DNAH11: variants seen among roughly 807,000 people sequenced by gnomAD.
DNAH11 encodes the protein axonemal beta dynein heavy chain 11.
Under a neutral mutation model 526.0 loss-of-function variants are expected in DNAH11, and 442 were observed. That is an observed-to-expected ratio of 0.84 (90% CI 0.78 to 0.91). DNAH11 has a LOEUF of 0.91. Ranked by LOEUF, DNAH11 falls within the 40% of genes least tolerant of loss-of-function variation. DNAH11 has a pLI of 0.00. For synonymous variants in DNAH11, 2,461 were observed against 1,935.9 expected (o/e 1.27, Z -7.12); for missense variants, 6,989 against 5,448.7 (o/e 1.28, Z -8.90).
rs2128424849 is a variant in DNAH11 at position 21,543,472 on chromosome 7, A to G, written c.227A>G (p.Lys76Arg). Residue 76 changes from lysine (K) to arginine (R), a missense_variant, in exon 1 of 82, where the codon AAA becomes AGA. Lys to Arg is a conservative substitution (Grantham distance 26). Coordinates refer to ENST00000409508, the MANE Select transcript of DNAH11 (RefSeq NM_001277115.2). The stretch of plus-strand genomic sequence containing the variant: ...ATGATGCTGGGGTTCACGGAGGAGA[A>G]ATGGAGCCAGTATTTGGAAAGCGAG... Reference protein sequence around the residue: ...LAMMLGFTEEKWSQYLESEDN... With the variant: ...LAMMLGFTEERWSQYLESEDN... The G allele has an allele frequency of 6.3e-7, 1 of 1,591,616 alleles. No individual in the cohort carries two copies. Among genetic ancestry groups the G allele is most frequent in the East Asian group, 2.3e-5 (1 of 44,022 alleles).
intron 65 of DNAH11, among the ~76,000 whole-genome samples, chr7:21,826,339 G>T (rs1790298625): frequency 6.6e-6 from 1 of 152,126 alleles, no homozygotes; most frequent in Admixed American, 6.6e-5. Context: ...CAAAGTAGGA[G>T]ATATGGTAAA....
At chr7:21,705,101 C>G (rs1047956512) in intron 38 of DNAH11, among the ~76,000 whole-genome samples, 9 of 152,150 alleles carry the variant, frequency 5.9e-5, no homozygotes, top group African/African-American at 2.2e-4. Context: ...ACACTATATA[C>G]ATTATCCATT....
chr7:21,698,106 C>T lies in DNAH11; in HGVS notation c.6073C>T (p.Leu2025=), dbSNP rs368561050. 2 of 1,613,276 alleles carry T rather than the reference C, an allele frequency of 1.2e-6. No homozygotes were observed. The highest frequency in any genetic ancestry group is 1.7e-5 in the Admixed American group (1 of 59,872). The change falls in exon 36 of 82, where the codon CTA becomes TTA. Residue 2025 remains leucine (L), a synonymous_variant. Coordinates refer to ENST00000409508, the MANE Select transcript of DNAH11 (RefSeq NM_001277115.2). Reference sequence around the variant, plus strand: ...TGCCATGGTGGCCCCTGACATTGAGCTAATCTGTGAAATCTTGTTAGTTGC... The same window carrying T: ...TGCCATGGTGGCCCCTGACATTGAGTTAATCTGTGAAATCTTGTTAGTTGC... ...PCAMVAPDIE[L]ICEILLVAEG...
chr7:21,869,040 G>A (rs745662497), intron 73 of DNAH11, 49 bp downstream of exon 73: 3 of 1,610,770 alleles, frequency 1.9e-6, no homozygotes, highest in Non-Finnish European at 2.5e-6. Context: ...ACAGAGGAGG[G>A]CCAGGGCAGA....
intron 59 of DNAH11, among the ~76,000 whole-genome samples, 183 bp downstream of exon 59, chr7:21,786,950 T>C (rs1394324301): frequency 1.3e-5 from 2 of 152,216 alleles, no homozygotes; most frequent in Non-Finnish European, 2.9e-5. Context: ...GGAAGTTAGC[T>C]TGGGGTTATG....
intron 45 of DNAH11, among the ~76,000 whole-genome samples, chr7:21,729,415 A>G (rs2965373): frequency 0.65 from 98,755 of 152,052 alleles, 32,529 homozygotes; most frequent in South Asian, 0.73. Flanking sequence ...TCCAGAATAC[A>G]CTTTCTCATG....
intron 27 of DNAH11, among the ~76,000 whole-genome samples, chr7:21,637,980 G>A (rs1413742540): frequency 6.6e-6 from 1 of 151,886 alleles, no homozygotes; most frequent in Non-Finnish European, 1.5e-5. Context: ...ATGATTGATT[G>A]ATCAATTATT....
chr7:21,568,147 A>G (rs565162174), intron 6 of DNAH11, among the ~76,000 whole-genome samples: 1 of 152,328 alleles, frequency 6.6e-6, no homozygotes, highest in South Asian at 2.1e-4. Context: ...TAACAATATC[A>G]TTGGTAAATT....
chr7:21,638,107 G>A (rs1786954871), intron 27 of DNAH11, among the ~76,000 whole-genome samples: 1 of 152,088 alleles, frequency 6.6e-6, no homozygotes, highest in Admixed American at 6.6e-5. Context: ...GAGCACAGCA[G>A]CATTTTTAAA....
At chr7:21,833,539 A>T (rs1781871886) in intron 65 of DNAH11, among the ~76,000 whole-genome samples, 1 of 152,098 alleles carries the variant, frequency 6.6e-6, no homozygotes, top group East Asian at 1.9e-4. Context: ...CTAAAAATAG[A>T]TAAAAATTAG....
chr7:21,615,685 A>G (rs1785741113), intron 21 of DNAH11, among the ~76,000 whole-genome samples: 1 of 152,136 alleles, frequency 6.6e-6, no homozygotes, highest in African/African-American at 2.4e-5. Flanking sequence ...TATGTGGTTA[A>G]TTAAGTTAAA....
intron 56 of DNAH11, among the ~76,000 whole-genome samples, chr7:21,776,183 C>T (rs1787665384): frequency 6.6e-6 from 1 of 152,184 alleles, no homozygotes; most frequent in South Asian, 2.1e-4. Context: ...CTCTTTACTT[C>T]CCCTTAGCTA....
rs1246866934 is a variant in DNAH11 at position 21,681,606 on chromosome 7, C to T, written c.5389C>T (p.Gln1797Ter). ...LLGELPPGDR[Q>*]KIMTICTIDV... ...GGGAGAACTTCCACCTGGAGACAGA[C>T]AGAAGATCATGACAATTTGTACCAT... Residue 1797 changes from glutamine (Q) to a stop codon, truncating the protein, a stop_gained, in exon 31 of 82, where the codon CAG becomes TAG. Transcript: ENST00000409508. LOFTEE classifies it high-confidence loss of function. The T allele has an allele frequency of 1.2e-6, 2 of 1,613,750 alleles. No individual in the cohort carries two copies. Among genetic ancestry groups the T allele is most frequent in the South Asian group, 1.1e-5 (1 of 91,080 alleles).
At chr7:21,694,805 C>T (rs977686567) in intron 35 of DNAH11, among the ~76,000 whole-genome samples, 1 of 152,170 alleles carries the variant, frequency 6.6e-6, no homozygotes, top group Non-Finnish European at 1.5e-5. Context: ...AACCACTTTA[C>T]ACTCCCACCA....
In DNAH11 at chr7:21,659,028, A is replaced by G. The variant is rs761805119; in HGVS notation, c.5325A>G (p.Lys1775=). Residue 1775 remains lysine, a synonymous_variant, in exon 30 of 82, where the codon AAA becomes AAG. Transcript: ENST00000409508. The part of the protein sequence containing the change: ...YETALKDFHK[K]QISQLNTLIT... ...CAGCCCTGAAGGATTTCCATAAAAA[A>G]CAGGTATTACATAGATTTGTGATTT... 1.1e-5 allele frequency: 18 copies of G among 1,583,524 alleles called. No homozygotes were observed. The highest frequency in any genetic ancestry group is 1.5e-5 in the Non-Finnish European group (18 of 1,165,128).
intron 73 of DNAH11, among the ~76,000 whole-genome samples, chr7:21,871,515 G>C (rs1226571138): frequency 6.6e-6 from 1 of 152,152 alleles, no homozygotes; most frequent in East Asian, 1.9e-4. Context: ...TTTTACATTT[G>C]ATTCAAGTAA....
In DNAH11 at chr7:21,807,997, A is replaced by C. The variant is rs749896020; in HGVS notation, c.10280A>C (p.Gln3427Pro). Residue 3427 changes from glutamine to proline, a missense_variant, in exon 63 of 82, where the codon CAG becomes CCG. Gln to Pro is a moderately conservative substitution (Grantham distance 76). Transcript: ENST00000409508. ...TCTTACGTCGGACCCTTCACAAGGCAGTATCGCCAGGAGCTGGTGCACTGC... is the reference window on the plus strand; with the variant it reads ...TCTTACGTCGGACCCTTCACAAGGCCGTATCGCCAGGAGCTGGTGCACTGC... ...FVSYVGPFTR[Q>P]YRQELVHCKW... The C allele has an allele frequency of 2.5e-6, 4 of 1,589,236 alleles. No homozygotes were observed. In the African/African-American group the frequency reaches 4.0e-5, roughly 16 times the overall value.
intron 44 of DNAH11, among the ~76,000 whole-genome samples, chr7:21,723,768 G>C (rs1235167434): frequency 6.9e-6 from 1 of 145,394 alleles, no homozygotes; most frequent in African/African-American, 2.6e-5. Context: ...CCAGCTACAG[G>C]GTCCAGTTTC....
intron 46 of DNAH11, among the ~76,000 whole-genome samples, chr7:21,737,659 AC>A (rs1192208739): frequency 2.0e-5 from 3 of 152,224 alleles, no homozygotes. Context: ...GACATGAAGT[AC>A]CATTTATAGG....
Sources: allele counts gnomAD v4.1 joint callset (sites outside exome capture counted in the v4.1 genomes callset), GRCh38; gene constraint gnomAD v4.1.1; transcripts MANE v1.5; gene names NCBI Gene and HGNC (gene_info 2026-07-23, HGNC 2026-07-21).